The following FAM13A variants were observed in gnomAD, a reference collection of about 807,000 sequenced individuals.
FAM13A encodes family with sequence similarity 13 member A.
Under a neutral mutation model 129.6 loss-of-function variants are expected in FAM13A, and 76 were observed. The ratio of observed to expected loss-of-function variants is 0.59; its 90% CI spans 0.49 to 0.71. The LOEUF is 0.71. Ranked by LOEUF, FAM13A falls within the 30% of genes least tolerant of loss-of-function variation. The probability of loss-of-function intolerance (pLI) is 0.00; values close to 1 mark genes in which losing one functional copy is unlikely to be tolerated. For synonymous variants in FAM13A, 443 were observed against 449.9 expected, an observed-to-expected ratio of 0.98 and a Z score of 0.20; for missense variants, 1,108 against 1,249.3, an observed-to-expected ratio of 0.89 and a Z score of 1.70.
intron 6 of FAM13A, among the ~76,000 whole-genome samples, chr4:88,896,081 T>C (rs1447312678): frequency 6.6e-6 from 1 of 150,868 alleles, no homozygotes; most frequent in Non-Finnish European, 1.5e-5. Flanking sequence ...CATGGAATAC[T>C]ATGCAGCCAT....
At chr4:89,013,118 C>T (rs1765946084) in intron 3 of FAM13A, among the ~76,000 whole-genome samples, 1 of 152,098 alleles carries the variant, frequency 6.6e-6, no homozygotes, top group African/African-American at 2.4e-5. Context: ...AAGAGTTTTA[C>T]CATCCCCGGC....
chr4:88,830,673 T>C (rs537673753), intron 7 of FAM13A, among the ~76,000 whole-genome samples: 10 of 152,178 alleles, frequency 6.6e-5, no homozygotes, highest in Non-Finnish European at 1.3e-4. Context: ...TTAAAATCTA[T>C]CTGAGTAGGC....
intron 5 of FAM13A, among the ~76,000 whole-genome samples, chr4:88,916,659 TTC>T (rs1397527092): frequency 1.3e-5 from 2 of 152,220 alleles, no homozygotes; most frequent in African/African-American, 4.8e-5. Context: ...TTGCTGTTAC[TTC>T]TGCTTAGACT....
At chr4:88,858,284 A>G (rs1738887798) in intron 6 of FAM13A, among the ~76,000 whole-genome samples, 1 of 152,210 alleles carries the variant, frequency 6.6e-6, no homozygotes, top group African/African-American at 2.4e-5. Flanking sequence ...TATTTTACAA[A>G]GTTATTTGCT....
intron 6 of FAM13A, among the ~76,000 whole-genome samples, chr4:88,874,747 A>G (rs978068249): frequency 2.2e-4 from 33 of 152,308 alleles, no homozygotes; most frequent in Middle Eastern, 6.8e-3. Flanking sequence ...TGCCATCCCC[A>G]TCAAGCTACC....
chr4:88,883,634 C>A (rs920710024), intron 6 of FAM13A, among the ~76,000 whole-genome samples: 3 of 151,798 alleles, frequency 2.0e-5, no homozygotes, highest in Non-Finnish European at 2.9e-5. Context: ...TAAACTCAAA[C>A]CCAGCAGAAG....
rs188224152 is a variant in FAM13A at position 88,876,880 on chromosome 4, C to T, written c.844-25697G>A. On this transcript the variant is annotated intron_variant, in intron 6 of 23. Coordinates refer to ENST00000264344, the MANE Select transcript of FAM13A (RefSeq NM_014883.4). ...TGCTGGGATTACAGGCGTGAGCCAC[C>T]GCGCCCAGACCGCGTCACTTCTTTA... 1.0e-2 allele frequency among the ~76,000 whole-genome samples: 1,521 copies of T among 152,278 alleles called. 8 individuals carry two copies. Among genetic ancestry groups the T allele is most frequent in the Non-Finnish European group, 0.015 (998 of 68,018 alleles).
intron 5 of FAM13A, among the ~76,000 whole-genome samples, chr4:88,920,002 G>A (rs914300071): frequency 4.6e-5 from 7 of 152,068 alleles, no homozygotes; most frequent in African/African-American, 1.4e-4. Flanking sequence ...GGGGATGGGC[G>A]CCTGCCATTG....
intron 2 of FAM13A, among the ~76,000 whole-genome samples, chr4:89,020,899 T>C (rs1767174189): frequency 6.6e-6 from 1 of 152,128 alleles, no homozygotes; most frequent in Non-Finnish European, 1.5e-5. Context: ...AAAACCCAGC[T>C]TCTAAAAATA....
intron 6 of FAM13A, among the ~76,000 whole-genome samples, chr4:88,901,575 A>C (rs1241193664): frequency 6.6e-6 from 1 of 152,172 alleles, no homozygotes; most frequent in African/African-American, 2.4e-5. Context: ...GAAATCATTA[A>C]GTTCTTTGAA....
At chr4:88,798,358 C>T (rs1177724160) in intron 8 of FAM13A, among the ~76,000 whole-genome samples, 1 of 152,120 alleles carries the variant, frequency 6.6e-6, no homozygotes, top group Non-Finnish European at 1.5e-5. Flanking sequence ...TCCCTTTCTT[C>T]CCCATTGTTC....
chr4:89,015,478 T>A (rs1230340551), intron 3 of FAM13A, among the ~76,000 whole-genome samples: 1 of 152,248 alleles, frequency 6.6e-6, no homozygotes, highest in Non-Finnish European at 1.5e-5. Flanking sequence ...CCTTTATTTC[T>A]CAGACTGGCT....
chr4:88,881,895 A>T (rs570305892), intron 6 of FAM13A, among the ~76,000 whole-genome samples: 10 of 152,112 alleles, frequency 6.6e-5, no homozygotes, highest in Non-Finnish European at 1.3e-4. Flanking sequence ...AGGTCAAAGT[A>T]AAGGCTTTCA....
Position 89,029,491 on chromosome 4 carries a change from C to T in FAM13A, c.186G>A (p.Val62=), listed in dbSNP as rs1322712528. 1 of 1,597,666 alleles carries T rather than the reference C, an allele frequency of 6.3e-7. No homozygotes were observed. Among genetic ancestry groups the T allele is most frequent in the Non-Finnish European group, 8.5e-7 (1 of 1,175,646 alleles). ...GLTENGIPAV[V]WNIVEYLTQH... ...GCGTCAAATATTCCACTATATTCCA[C>T]ACTACTGCTGGAATGCCATTCTCGG... The change falls in exon 2 of 24, where the codon GTG becomes GTA. Residue 62 remains valine (V), a synonymous_variant. Transcript: ENST00000264344.
At chr4:88,849,612 T>C (rs889094038) in intron 7 of FAM13A, among the ~76,000 whole-genome samples, 1 of 152,226 alleles carries the variant, frequency 6.6e-6, no homozygotes, top group African/African-American at 2.4e-5. Context: ...TATCTTTCAT[T>C]TATTAGAGCT....
At chr4:89,025,544 G>A (rs751486966) in intron 2 of FAM13A, among the ~76,000 whole-genome samples, 3 of 152,190 alleles carry the variant, frequency 2.0e-5, no homozygotes, top group East Asian at 1.9e-4. Flanking sequence ...GATTACAGGC[G>A]TGAGCCACCG....
intron 11 of FAM13A, among the ~76,000 whole-genome samples, chr4:88,777,669 A>T (rs564567224): frequency 6.6e-6 from 1 of 152,288 alleles, no homozygotes; most frequent in African/African-American, 2.4e-5. Flanking sequence ...CCAAATCTGT[A>T]AGACACTTTT....
At chr4:88,761,678 G>A (rs1324111789) in intron 13 of FAM13A, among the ~76,000 whole-genome samples, 1 of 152,080 alleles carries the variant, frequency 6.6e-6, no homozygotes, top group East Asian at 1.9e-4. Context: ...ACATGACAAG[G>A]GTGTCAGCTA....
intron 3 of FAM13A, among the ~76,000 whole-genome samples, chr4:88,999,913 T>C (rs1483724241): frequency 6.6e-6 from 1 of 152,196 alleles, no homozygotes; most frequent in African/African-American, 2.4e-5. Flanking sequence ...TTTATGTAGA[T>C]TGATTTTCTG....
Sources: gnomAD v4.1 joint callset for allele counts (sites outside exome capture counted in the v4.1 genomes callset) on GRCh38, gnomAD v4.1.1 for gene constraint, MANE v1.5 for transcripts, NCBI Gene and HGNC (gene_info 2026-07-23, HGNC 2026-07-21) for gene names.